Variants in ATRNL1 observed in about 807,000 individuals in gnomAD.
ATRNL1 encodes the protein attractin-like protein 1.
ATRNL1 carries 95 observed loss-of-function variants against 182.7 expected under a neutral mutation model. The observed-to-expected ratio is 0.52, with a 90% confidence interval of 0.44 to 0.62. The LOEUF (loss-of-function observed/expected upper bound fraction) is 0.62, where lower values mean the gene tolerates loss of function less well. ATRNL1 is among the 20% of genes least tolerant of loss of function. ATRNL1 has a pLI of 0.00. For missense variants in ATRNL1, 1,471 were observed against 1,679.5 expected (o/e 0.88, Z 2.17); for synonymous variants, 576 against 568.3 (o/e 1.01, Z -0.19).
chr10:115,632,812 T>G (rs1858598941), intron 26 of ATRNL1, among the ~76,000 whole-genome samples: 1 of 151,872 alleles, frequency 6.6e-6, no homozygotes, highest in East Asian at 1.9e-4. Flanking sequence ...TTATACTAAC[T>G]TTAAAAAATG....
chr10:115,860,071 A>G (rs1951278104), intron 28 of ATRNL1, among the ~76,000 whole-genome samples: 1 of 152,316 alleles, frequency 6.6e-6, no homozygotes, highest in African/African-American at 2.4e-5. Flanking sequence ...AAAGCACTGG[A>G]AAAAATATGA....
intron 6 of ATRNL1, among the ~76,000 whole-genome samples, chr10:115,165,331 A>G (rs1480253538): frequency 2.6e-5 from 4 of 152,064 alleles, no homozygotes; most frequent in African/African-American, 7.2e-5. Flanking sequence ...AATCAAGTTA[A>G]TGTATATTAT....
chr10:115,926,162 G>A (rs1430315189), intron 28 of ATRNL1, among the ~76,000 whole-genome samples: 1 of 152,108 alleles, frequency 6.6e-6, no homozygotes, highest in Admixed American at 6.6e-5. Context: ...ATGACTGCTG[G>A]GTAAATAATG....
chr10:115,612,709 C>T (rs782407371), intron 26 of ATRNL1, among the ~76,000 whole-genome samples: 1 of 152,166 alleles, frequency 6.6e-6, no homozygotes, highest in Non-Finnish European at 1.5e-5. Context: ...GTTCTTTTTA[C>T]AGGCATATGT....
At chr10:115,663,197 G>A (rs1242999656) in intron 26 of ATRNL1, among the ~76,000 whole-genome samples, 2 of 151,992 alleles carry the variant, frequency 1.3e-5, no homozygotes, top group Admixed American at 1.3e-4. Flanking sequence ...CACTTATCCA[G>A]TGAGTAAACT....
intron 1 of ATRNL1, among the ~76,000 whole-genome samples, chr10:115,112,704 GGAT>G (rs1554868539): frequency 6.6e-6 from 1 of 152,130 alleles, no homozygotes; most frequent in African/African-American, 2.4e-5. Flanking sequence ...TTTTAAGAAG[GGAT>G]GATATGATGT....
At chr10:115,418,200 A>G (rs907198289) in intron 20 of ATRNL1, among the ~76,000 whole-genome samples, 6 of 152,232 alleles carry the variant, frequency 3.9e-5, no homozygotes, top group Non-Finnish European at 7.3e-5. Flanking sequence ...CAGAGAAGCA[A>G]TCAGAAATAC....
At chr10:115,201,993 G>A (rs12244679) in intron 8 of ATRNL1, among the ~76,000 whole-genome samples, 5,017 of 151,142 alleles carry the variant, frequency 0.033, 261 homozygotes, top group African/African-American at 0.12. Context: ...CTTTGAAGCA[G>A]TTGTGAATGG....
intron 21 of ATRNL1, among the ~76,000 whole-genome samples, chr10:115,442,807 C>G (rs962425268): frequency 2.0e-5 from 3 of 152,046 alleles, no homozygotes; most frequent in African/African-American, 7.2e-5. Flanking sequence ...TCCATAGGAA[C>G]AAGGCCTTTG....
At chr10:115,522,438 T>C (rs569195483) in intron 25 of ATRNL1, among the ~76,000 whole-genome samples, 78 of 152,216 alleles carry the variant, frequency 5.1e-4, no homozygotes, top group African/African-American at 1.8e-3. Flanking sequence ...TTTGCTACCA[T>C]AAGGACACCA....
chr10:115,208,502 C>A (rs1848891057), intron 8 of ATRNL1, among the ~76,000 whole-genome samples: 1 of 152,072 alleles, frequency 6.6e-6, no homozygotes, highest in Admixed American at 6.6e-5. Context: ...CCAGCTTGAA[C>A]ATTCTGGGAG....
chr10:115,761,062 C>T (rs1948722716), intron 27 of ATRNL1, among the ~76,000 whole-genome samples: 1 of 152,132 alleles, frequency 6.6e-6, no homozygotes, highest in Non-Finnish European at 1.5e-5. Context: ...AAGTAAGACT[C>T]TGACCTATTT....
chr10:115,240,957 A>G (rs536168016), intron 9 of ATRNL1, among the ~76,000 whole-genome samples: 1 of 152,196 alleles, frequency 6.6e-6, no homozygotes, highest in South Asian at 2.1e-4. Context: ...AGTGCAATCT[A>G]TAGACTCCAC....
At chr10:115,112,066 C>A (rs201519327) in intron 1 of ATRNL1, among the ~76,000 whole-genome samples, 31 of 132,642 alleles carry the variant, frequency 2.3e-4, no homozygotes, top group South Asian at 4.8e-4. Flanking sequence ...ACAAAAAAAA[C>A]CCAAAAAAAA....
chr10:115,576,440 G>T (rs184138531), intron 26 of ATRNL1, among the ~76,000 whole-genome samples: 9 of 152,010 alleles, frequency 5.9e-5, no homozygotes, highest in Non-Finnish European at 1.2e-4. Context: ...ACATGTGTCA[G>T]GTGATATCTC....
intron 28 of ATRNL1, among the ~76,000 whole-genome samples, chr10:115,899,064 C>G (rs557283515): frequency 1.3e-5 from 2 of 151,656 alleles, no homozygotes; most frequent in Non-Finnish European, 2.9e-5. Context: ...CCCATTAACT[C>G]GTCATTTACA....
At chr10:115,167,696 G>A (rs1847109607) in intron 7 of ATRNL1, among the ~76,000 whole-genome samples, 1 of 152,062 alleles carries the variant, frequency 6.6e-6, no homozygotes, top group African/African-American at 2.4e-5. Flanking sequence ...ATGCATTTGT[G>A]TGTTTTAAAA....
intron 26 of ATRNL1, among the ~76,000 whole-genome samples, chr10:115,702,393 A>G (rs1272502531): frequency 6.6e-6 from 1 of 152,084 alleles, no homozygotes; most frequent in Non-Finnish European, 1.5e-5. Context: ...ATTCCTATTC[A>G]ACATAGTTCT....
At chr10:115,846,578 T>A (rs185602618) in intron 27 of ATRNL1, among the ~76,000 whole-genome samples, 46 of 152,282 alleles carry the variant, frequency 3.0e-4, no homozygotes, top group African/African-American at 1.1e-3. Flanking sequence ...GTTGCTTTGA[T>A]ATATCAACCA....
Sources: allele counts gnomAD v4.1 joint callset (sites outside exome capture counted in the v4.1 genomes callset), GRCh38; gene constraint gnomAD v4.1.1; transcripts MANE v1.5; gene names NCBI Gene and HGNC (gene_info 2026-07-23, HGNC 2026-07-21).